The following COP1 variants were observed in gnomAD, a reference collection of about 807,000 sequenced individuals.
COP1 encodes E3 ubiquitin-protein ligase COP1.
Under a neutral mutation model 101.3 loss-of-function variants are expected in COP1, and 24 were observed. The observed-to-expected ratio is 0.24, with a 90% CI of 0.17 to 0.33. COP1 has a LOEUF of 0.33. Ranked by LOEUF, COP1 falls within the 10% of genes least tolerant of loss-of-function variation. The pLI is 1.00. For synonymous variants in COP1, 347 were observed against 341.9 expected, an observed-to-expected ratio of 1.01 and a Z score of -0.17; for missense variants, 663 against 906.2, an observed-to-expected ratio of 0.73 and a Z score of 3.45.
At chr1:175,950,022 G>T (rs946145019) in intron 18 of COP1, among the ~76,000 whole-genome samples, 1 of 152,042 alleles carries the variant, frequency 6.6e-6, no homozygotes, top group African/African-American at 2.4e-5. Flanking sequence ...CCACACAAGA[G>T]GAGTTTAAAA....
At chr1:176,149,692 T>C (rs1356096216) in intron 5 of COP1, among the ~76,000 whole-genome samples, 4 of 152,034 alleles carry the variant, frequency 2.6e-5, no homozygotes, top group Non-Finnish European at 5.9e-5. Flanking sequence ...ATAGAACAGA[T>C]AAATGAAAGT....
Position 176,053,691 on chromosome 1 carries a change from T to C in COP1, c.1278-7367A>G, listed in dbSNP as rs1402610089. ...AACTACTTCCATTCTTTCCAGTTGATTCCTTGTCTCCAACAATCCTTCAAG... is the reference window on the plus strand; with the variant it reads ...AACTACTTCCATTCTTTCCAGTTGACTCCTTGTCTCCAACAATCCTTCAAG... On this transcript the variant is annotated intron_variant, in intron 11 of 19. Coordinates refer to ENST00000367669, the MANE Select transcript of COP1 (RefSeq NM_022457.7). 1.3e-5 allele frequency among the ~76,000 whole-genome samples: 2 copies of C among 152,322 alleles called. 1 individual carries two copies. Among genetic ancestry groups the C allele is most frequent in the African/African-American group, 4.8e-5 (2 of 41,576 alleles).
At chr1:176,184,748 T>G in intron 1 of COP1, 56 bp from the exon 2 acceptor site, 1 of 1,243,172 alleles carries the variant, frequency 8.0e-7, no homozygotes, top group Non-Finnish European at 1.2e-6. Context: ...GATTACAAAT[T>G]GGAAAAGACT....
At chr1:176,100,640 A>G (rs1412306249) in intron 9 of COP1, among the ~76,000 whole-genome samples, 1 of 152,206 alleles carries the variant, frequency 6.6e-6, no homozygotes, top group Non-Finnish European at 1.5e-5. Flanking sequence ...GGTGATGGGA[A>G]TAAACAGAAT....
chr1:176,083,470 G>C (rs969225739), intron 10 of COP1, among the ~76,000 whole-genome samples: 3 of 152,094 alleles, frequency 2.0e-5, no homozygotes, highest in African/African-American at 7.2e-5. Context: ...TAACTTATGA[G>C]GTTACAAAAA....
chr1:176,053,969 T>G (rs1162914036), intron 11 of COP1, among the ~76,000 whole-genome samples: 1 of 152,182 alleles, frequency 6.6e-6, no homozygotes, highest in African/African-American at 2.4e-5. Context: ...AGAAAAAACA[T>G]GCAACCATGT....
At chr1:176,151,397 G>GAAAGAAAGAAAGAA in intron 5 of COP1, among the ~76,000 whole-genome samples, 1 of 144,668 alleles carries the variant, frequency 6.9e-6, no homozygotes, top group Admixed American at 6.8e-5. Context: ...AAGAAAGAAA[G>GAAAGAAAGAAAGAA]AAAGAAAGAA....
intron 5 of COP1, among the ~76,000 whole-genome samples, chr1:176,151,363 AAGAAAG>A (rs1692492099): frequency 2.5e-5 from 2 of 79,506 alleles, no homozygotes; most frequent in Admixed American, 1.1e-4. Context: ...AAAAGAAAGA[AAGAAAG>A]AAAGAAAGAA....
chr1:176,135,722 TTGA>T (rs1302230281), intron 7 of COP1, among the ~76,000 whole-genome samples: 1 of 152,016 alleles, frequency 6.6e-6, no homozygotes, highest in African/African-American at 2.4e-5. Flanking sequence ...TGTACTAACT[TTGA>T]TTAATGAAAA....
chr1:176,072,259 C>A (rs994654522), intron 11 of COP1, among the ~76,000 whole-genome samples: 11 of 152,122 alleles, frequency 7.2e-5, no homozygotes, highest in African/African-American at 2.7e-4. Context: ...CATATATGGA[C>A]AAATGCTAGA....
chr1:175,998,300 G>A (rs1660770440), intron 15 of COP1, among the ~76,000 whole-genome samples: 1 of 151,062 alleles, frequency 6.6e-6, no homozygotes, highest in Non-Finnish European at 1.5e-5. Flanking sequence ...ATCACACTCT[G>A]GGGACTGTTG....
In COP1 at chr1:176,207,285, G is replaced by T. The variant is rs1183648332; in HGVS notation, c.-307C>A. The T allele has an allele frequency of 2.6e-6, 1 of 385,900 alleles. No individual in the cohort carries two copies. Among genetic ancestry groups the T allele is most frequent in the Non-Finnish European group, 4.6e-6 (1 of 217,694 alleles). 23.9% of individuals were successfully genotyped at this position (385,900 alleles called of 1,614,324 possible). A position where few individuals can be genotyped will look rare whatever the true frequency, so the allele number is the denominator to read the frequency against. On this transcript the variant is annotated 5_prime_UTR_variant, in exon 1 of 20. Transcript: ENST00000367669. ...TGGCCGGCCGTGCGCGCGCGCGCGA[G>T]CGGCGGAAGAGGCGGGCGTGGCGGG...
chr1:176,003,479 T>A (rs1433349890), intron 15 of COP1, among the ~76,000 whole-genome samples: 1 of 151,964 alleles, frequency 6.6e-6, no homozygotes, highest in Non-Finnish European at 1.5e-5. Flanking sequence ...TTTTTATGGT[T>A]TTAGGTCTAA....
chr1:176,183,088 TAG>T (rs1239508149), intron 2 of COP1, among the ~76,000 whole-genome samples: 3 of 152,184 alleles, frequency 2.0e-5, no homozygotes, highest in Non-Finnish European at 4.4e-5. Context: ...AGAAAGAATA[TAG>T]ATAATACAAG....
chr1:176,023,752 AAAG>A (rs1364268728), intron 15 of COP1, among the ~76,000 whole-genome samples: 1 of 151,726 alleles, frequency 6.6e-6, no homozygotes, highest in East Asian at 1.9e-4. Context: ...AAAGAAAAGA[AAAG>A]AAAAAGTAAA....
chr1:176,197,982 C>T (rs747093265), intron 1 of COP1, among the ~76,000 whole-genome samples: 1 of 152,040 alleles, frequency 6.6e-6, no homozygotes, highest in Non-Finnish European at 1.5e-5. Context: ...AAAGCATAAA[C>T]ACTGCTAAGA....
intron 9 of COP1, among the ~76,000 whole-genome samples, chr1:176,095,828 C>G (rs904126130): frequency 6.6e-6 from 1 of 152,092 alleles, no homozygotes. Flanking sequence ...AGACACTGTT[C>G]TTCATTACTA....
At chr1:176,205,003 T>C (rs951897128) in intron 1 of COP1, among the ~76,000 whole-genome samples, 1 of 152,214 alleles carries the variant, frequency 6.6e-6, no homozygotes, top group Non-Finnish European at 1.5e-5. Flanking sequence ...CTGAACTTCA[T>C]ATGGTGCCTG....
chr1:176,064,613 C>A (rs1025408151), intron 11 of COP1, among the ~76,000 whole-genome samples: 2 of 152,130 alleles, frequency 1.3e-5, no homozygotes, highest in African/African-American at 2.4e-5. Flanking sequence ...AGCAGCTTTA[C>A]TTTTTGAGCT....
Sources: gnomAD v4.1 joint callset for allele counts (sites outside exome capture counted in the v4.1 genomes callset) on GRCh38, gnomAD v4.1.1 for gene constraint, MANE v1.5 for transcripts, NCBI Gene and HGNC (gene_info 2026-07-23, HGNC 2026-07-21) for gene names.